The following FAM168A variants were observed in gnomAD, a reference collection of about 807,000 sequenced individuals.
FAM168A encodes protein FAM168A.
FAM168A carries 3 observed loss-of-function variants against 28.5 expected under a neutral mutation model. The observed-to-expected ratio is 0.11, with a 90% CI of 0.05 to 0.27. The LOEUF (loss-of-function observed/expected upper bound fraction) is 0.27, where lower values mean the gene tolerates loss of function less well. Among genes scored for constraint, FAM168A ranks in the 10% least tolerant of loss-of-function variants. The pLI is 1.00. For missense variants in FAM168A, 222 were observed against 311.5 expected, an observed-to-expected ratio of 0.71 and a Z score of 2.16; for synonymous variants, 122 against 124.2, an observed-to-expected ratio of 0.98 and a Z score of 0.12.
At chr11:73,484,522 A>ATATATATATATATATATATATC (rs1868013721) in intron 1 of FAM168A, among the ~76,000 whole-genome samples, 1 of 142,744 alleles carries the variant, frequency 7.0e-6, no homozygotes, top group African/African-American at 2.7e-5. Flanking sequence ...ATATAGATAT[A>ATATATATATATATATATATATC]TATATCTATA....
intron 4 of FAM168A, among the ~76,000 whole-genome samples, chr11:73,414,054 C>T (rs541910871): frequency 3.3e-5 from 5 of 152,102 alleles, no homozygotes; most frequent in Non-Finnish European, 5.9e-5. Flanking sequence ...CAGAGCAGGA[C>T]CCTGTCTCTT....
At chr11:73,440,492 C>T (rs775926261) in intron 2 of FAM168A, among the ~76,000 whole-genome samples, 1 of 151,868 alleles carries the variant, frequency 6.6e-6, no homozygotes, top group Non-Finnish European at 1.5e-5. Context: ...CTACAAAAAG[C>T]GGTGGTGTGT....
chr11:73,496,879 A>ACT (rs928674315), intron 1 of FAM168A, among the ~76,000 whole-genome samples: 2 of 143,164 alleles, frequency 1.4e-5, no homozygotes, highest in African/African-American at 5.5e-5. Flanking sequence ...CTTATCACAC[A>ACT]CACACACACA....
chr11:73,544,827 TTA>T (rs1447213985), intron 1 of FAM168A, among the ~76,000 whole-genome samples: 1 of 99,856 alleles, frequency 1.0e-5, no homozygotes, highest in Non-Finnish European at 1.8e-5. Context: ...AATAAATTTA[TTA>T]TATATAATAT....
At chr11:73,452,251 T>C (rs994131827) in intron 2 of FAM168A, 3 of 152,168 alleles carry the variant, frequency 2.0e-5, no homozygotes, top group Non-Finnish European at 2.9e-5. Context: ...TAACAATGAG[T>C]GTAATGTGAT....
rs147818610 is a variant in FAM168A at position 73,541,651 on chromosome 11, T to C, written c.-19+56272A>G. Among the ~76,000 whole-genome samples, 337 of 152,268 alleles carry C rather than the reference T, an allele frequency of 2.2e-3. 1 individual carries two copies. Among genetic ancestry groups the C allele is most frequent in the African/African-American group, 7.7e-3 (318 of 41,550 alleles). ...TCCCAAAGTGCTGGGATTACAGGCG[T>C]GAGCCACCGCACCCGGCTCCTAAAC... On this transcript the variant is annotated intron_variant, in intron 1 of 7. Coordinates refer to ENST00000356467, the MANE Select transcript of FAM168A (RefSeq NM_015159.3).
chr11:73,500,077 T>C (rs1461933292), intron 1 of FAM168A, among the ~76,000 whole-genome samples: 1 of 151,990 alleles, frequency 6.6e-6, no homozygotes, highest in African/African-American at 2.4e-5. Flanking sequence ...ATCATCAGAT[T>C]CTCCAAGGTC....
chr11:73,521,993 C>G (rs1943387077), intron 1 of FAM168A, among the ~76,000 whole-genome samples: 1 of 152,162 alleles, frequency 6.6e-6, no homozygotes, highest in African/African-American at 2.4e-5. Context: ...AAACTGTACC[C>G]TAGAAAAGAA....
chr11:73,532,027 G>T (rs1943520332), intron 1 of FAM168A, among the ~76,000 whole-genome samples: 1 of 145,090 alleles, frequency 6.9e-6, no homozygotes, highest in Admixed American at 7.0e-5. Context: ...TGCCCAGGCT[G>T]GTCTCAAGCT....
intron 1 of FAM168A, among the ~76,000 whole-genome samples, chr11:73,582,209 T>C (rs1016561035): frequency 2.6e-5 from 4 of 152,070 alleles, no homozygotes; most frequent in Non-Finnish European, 4.4e-5. Flanking sequence ...CAAAATATTT[T>C]GGGGAATCCT....
chr11:73,573,769 G>A (rs1190358585), intron 1 of FAM168A, among the ~76,000 whole-genome samples: 1 of 152,076 alleles, frequency 6.6e-6, no homozygotes, highest in Non-Finnish European at 1.5e-5. Flanking sequence ...ACCAGTCTGG[G>A]CAACATAGAG....
At chr11:73,524,746 C>T (rs973564049) in intron 1 of FAM168A, among the ~76,000 whole-genome samples, 9 of 152,020 alleles carry the variant, frequency 5.9e-5, no homozygotes, top group South Asian at 2.1e-4. Flanking sequence ...TACAAGCATG[C>T]GCCACCATGC....
intron 2 of FAM168A, among the ~76,000 whole-genome samples, chr11:73,451,266 C>A (rs574804520): frequency 1.3e-5 from 2 of 152,314 alleles, no homozygotes; most frequent in Admixed American, 1.3e-4. Flanking sequence ...TGTGAAAGCA[C>A]TGGCTTAGAG....
At chr11:73,440,879 G>T (rs1867181893) in intron 2 of FAM168A, among the ~76,000 whole-genome samples, 1 of 152,122 alleles carries the variant, frequency 6.6e-6, no homozygotes, top group Non-Finnish European at 1.5e-5. Context: ...CTAGAGGCCA[G>T]ATTAAAAAAC....
chr11:73,445,131 T>C (rs1405107134), intron 2 of FAM168A, among the ~76,000 whole-genome samples: 1 of 151,922 alleles, frequency 6.6e-6, no homozygotes, highest in Admixed American at 6.6e-5. Flanking sequence ...TGGTGGTGCA[T>C]CCCTGTAATC....
intron 1 of FAM168A, among the ~76,000 whole-genome samples, chr11:73,576,481 T>A (rs2134728513): frequency 6.6e-6 from 1 of 152,294 alleles, no homozygotes; most frequent in East Asian, 1.9e-4. Flanking sequence ...TCCCCATTGT[T>A]TCATCTACTG....
intron 2 of FAM168A, among the ~76,000 whole-genome samples, chr11:73,458,237 A>C (rs2134558889): frequency 6.6e-6 from 1 of 152,310 alleles, no homozygotes; most frequent in East Asian, 1.9e-4. Flanking sequence ...GAAAAATAAT[A>C]ACCCAACAAC....
At chr11:73,554,863 A>C (rs1943871757) in intron 1 of FAM168A, among the ~76,000 whole-genome samples, 1 of 152,200 alleles carries the variant, frequency 6.6e-6, no homozygotes, top group African/African-American at 2.4e-5. Flanking sequence ...TAAAGAGAGA[A>C]ATGAAACTTG....
At chr11:73,483,938 A>C (rs2134597382) in intron 1 of FAM168A, among the ~76,000 whole-genome samples, 1 of 152,304 alleles carries the variant, frequency 6.6e-6, no homozygotes, top group African/African-American at 2.4e-5. Context: ...TGTATGGGGG[A>C]AGTATAATAG....
Sources: gnomAD v4.1 joint callset for allele counts (sites outside exome capture counted in the v4.1 genomes callset) on GRCh38, gnomAD v4.1.1 for gene constraint, MANE v1.5 for transcripts, NCBI Gene and HGNC (gene_info 2026-07-23, HGNC 2026-07-21) for gene names.